The following PLEKHA3 variants were observed in gnomAD, a reference collection of about 807,000 sequenced individuals.
PLEKHA3 encodes pleckstrin homology domain containing A3, also known as pleckstrin homology domain-containing family A member 3.
A neutral mutation model predicts 39.2 loss-of-function variants in PLEKHA3; 19 were observed. The observed-to-expected ratio is 0.48, with a 90% CI of 0.34 to 0.71. The LOEUF (loss-of-function observed/expected upper bound fraction) is 0.71. Among genes scored for constraint, PLEKHA3 ranks in the 30% least tolerant of loss-of-function variants. PLEKHA3 has a pLI of 0.01. For synonymous variants in PLEKHA3, 97 were observed against 118.6 expected (o/e 0.82, Z 1.18); for missense variants, 253 against 359.5 (o/e 0.70, Z 2.40).
intron 1 of PLEKHA3, among the ~76,000 whole-genome samples, chr2:178,484,916 A>G (rs1685224540): frequency 6.6e-6 from 1 of 152,238 alleles, no homozygotes; most frequent in Non-Finnish European, 1.5e-5. Context: ...TCAATCGAAC[A>G]ATTGCAGTTT....
intron 1 of PLEKHA3, among the ~76,000 whole-genome samples, chr2:178,483,072 A>G (rs1685197131): frequency 6.6e-6 from 1 of 152,150 alleles, no homozygotes; most frequent in Non-Finnish European, 1.5e-5. Flanking sequence ...AACCTGGCCA[A>G]CATGGTGAAA....
chr2:178,493,830 A>T, intron 3 of PLEKHA3, 23 bp from the exon 4 acceptor site: 1 of 1,592,682 alleles, frequency 6.3e-7, no homozygotes, highest in Non-Finnish European at 8.6e-7. Context: ...ATCTAACTGT[A>T]TATTTATGTA....
In PLEKHA3 at chr2:178,495,680, G is replaced by T. The variant is rs779688291; in HGVS notation, c.615+20G>T. Reference sequence around the variant, plus strand: ...CAAATGGTTTGAACTTCTTGTTTTGGTTTTTTCCCTCAGTAGTAATGTTGC... The same window carrying T: ...CAAATGGTTTGAACTTCTTGTTTTGTTTTTTTCCCTCAGTAGTAATGTTGC... On this transcript the variant is annotated intron_variant, in intron 5 of 7. Coordinates refer to ENST00000234453, the MANE Select transcript of PLEKHA3 (RefSeq NM_019091.4). 144 of 1,576,310 alleles carry T rather than the reference G, an allele frequency of 9.1e-5. No individual in the cohort carries two copies. In the Admixed American group the frequency reaches 1.4e-3, roughly 16 times the overall value.
chr2:178,482,832 A>C (rs367606707), intron 1 of PLEKHA3, among the ~76,000 whole-genome samples: 1 of 152,318 alleles, frequency 6.6e-6, no homozygotes. Flanking sequence ...AGCTGGTTGA[A>C]AAGAAATCTT....
At chr2:178,481,168 A>G (rs1052074127) in intron 1 of PLEKHA3, among the ~76,000 whole-genome samples, 5 of 152,162 alleles carry the variant, frequency 3.3e-5, no homozygotes, top group African/African-American at 9.7e-5. Context: ...AGCCTCAGGA[A>G]CAATTCTCAG....
chr2:178,495,473 C>T (rs1207984434), intron 4 of PLEKHA3, 23 bp from the exon 5 acceptor site: 34 of 1,612,690 alleles, frequency 2.1e-5, no homozygotes, highest in Non-Finnish European at 2.6e-5. Context: ...CAAATCTGTT[C>T]AAGTCTTTGT....
chr2:178,502,163 G>A (rs1480388406), intron 7 of PLEKHA3, among the ~76,000 whole-genome samples: 2 of 151,058 alleles, frequency 1.3e-5, no homozygotes, highest in African/African-American at 4.9e-5. Flanking sequence ...AACAGGTTTA[G>A]TTCATACATA....
chr2:178,487,164 C>T (rs1292132626), intron 2 of PLEKHA3, among the ~76,000 whole-genome samples: 1 of 151,842 alleles, frequency 6.6e-6, no homozygotes, highest in African/African-American at 2.4e-5. Context: ...CTAAACTGAC[C>T]TAACAGGATT....
rs1038095357 is a variant in PLEKHA3 at position 178,513,894 on chromosome 2, A to G, written c.*10007A>G. 1.7e-4 allele frequency: 26 copies of G among 152,170 alleles called. No homozygotes were observed. The highest frequency in any genetic ancestry group is 6.3e-4 in the African/African-American group (26 of 41,438). The allele number at this position is 152,170 out of a possible 1,614,324, so 9.4% of individuals were successfully genotyped here. On this transcript the variant is annotated 3_prime_UTR_variant, in exon 8 of 8. Coordinates refer to ENST00000234453, the MANE Select transcript of PLEKHA3 (RefSeq NM_019091.4). ...TATATGGTAAATGAGCATAAAATGAATATCTTTTCAGTATTAGAACATTTC... is the reference window on the plus strand; with the variant it reads ...TATATGGTAAATGAGCATAAAATGAGTATCTTTTCAGTATTAGAACATTTC...
chr2:178,481,555 T>C (rs1487803405), intron 1 of PLEKHA3, among the ~76,000 whole-genome samples: 1 of 152,002 alleles, frequency 6.6e-6, no homozygotes. Context: ...GTGAAGTGGG[T>C]TGGAAGGAAA....
In PLEKHA3 at chr2:178,505,635, G is replaced by T. The variant is rs1685593100; in HGVS notation, c.*1748G>T. ...TGAAGGTCAGGGTGCTATTGATTGG[G>T]AGTTTTTTCTGGTAGTGAGTTTTTT... is the stretch of plus-strand genomic sequence containing the variant. On this transcript the variant is annotated 3_prime_UTR_variant, in exon 8 of 8. Transcript: ENST00000234453. 6.6e-6 allele frequency: 1 copy of T among 151,380 alleles called. No homozygotes were observed. Among genetic ancestry groups the T allele is most frequent in the African/African-American group, 2.4e-5 (1 of 41,242 alleles). The allele number at this position is 151,380 out of a possible 1,614,324, so 9.4% of individuals were successfully genotyped here.
In PLEKHA3 at chr2:178,515,357, A is replaced by G. The variant is rs953024737; in HGVS notation, c.*11470A>G. 2.0e-5 allele frequency: 3 copies of G among 152,106 alleles called. No homozygotes were observed. Among genetic ancestry groups the G allele is most frequent in the Admixed American group, 6.5e-5 (1 of 15,276 alleles). The allele number at this position is 152,106 out of a possible 1,614,324, so 9.4% of individuals were successfully genotyped here. A position where few individuals can be genotyped will look rare whatever the true frequency, so the allele number is the denominator to read the frequency against. ...CATGGTTGAATGTTAGTAAATTTCT[A>G]AGAGCTTTCCAATGTTGTCTATAAT... is the stretch of plus-strand genomic sequence containing the variant. On this transcript the variant is annotated 3_prime_UTR_variant, in exon 8 of 8. Transcript: ENST00000234453.
intron 5 of PLEKHA3, among the ~76,000 whole-genome samples, chr2:178,496,207 G>A (rs145762608): frequency 3.9e-5 from 6 of 152,324 alleles, no homozygotes; most frequent in African/African-American, 1.4e-4. Flanking sequence ...CCTGCTTACT[G>A]TTAGGTGCTC....
intron 2 of PLEKHA3, among the ~76,000 whole-genome samples, chr2:178,486,283 G>C (rs867543531): frequency 6.6e-6 from 1 of 152,166 alleles, no homozygotes; most frequent in Non-Finnish European, 1.5e-5. Context: ...TGTAATTTTC[G>C]TGAAGGAAGA....
chr2:178,503,927 C>T lies in PLEKHA3; in HGVS notation c.*40C>T. The T allele has an allele frequency of 6.2e-7, 1 of 1,604,218 alleles. No homozygotes were observed. The highest frequency in any genetic ancestry group is 8.5e-7 in the Non-Finnish European group (1 of 1,173,114). ...CCAACTTCCTCTAAGTATTGCTATG[C>T]AAAAGCTGCTGTAATTAAACTATTG... On this transcript the variant is annotated 3_prime_UTR_variant, in exon 8 of 8. Transcript: ENST00000234453.
intron 2 of PLEKHA3, among the ~76,000 whole-genome samples, chr2:178,489,269 T>C (rs908385061): frequency 1.3e-4 from 20 of 152,188 alleles, no homozygotes; most frequent in Non-Finnish European, 2.8e-4. Context: ...ATAAGTAGAA[T>C]AATAAGATAG....
In PLEKHA3 at chr2:178,499,243, C is replaced by A. The variant is rs183960238; in HGVS notation, c.648C>A (p.Cys216Ter). Residue 216 changes from cysteine to a stop codon, truncating the protein, a stop_gained, in exon 6 of 8, where the codon TGC becomes TGA. Transcript: ENST00000234453. LOFTEE classifies it high-confidence loss of function. ...GTTCTGTCAGCCACCCTGGTTCTTG[C>A]AGTTCAGAGAGGTAAAAGAACCTTT... ...MKRSVSHPGS[C>*]SSERSSHSIK... 1 of 1,610,502 alleles carries A rather than the reference C, an allele frequency of 6.2e-7. No individual in the cohort carries two copies. The highest frequency in any genetic ancestry group is 8.5e-7 in the Non-Finnish European group (1 of 1,178,642).
chr2:178,496,099 A>G lies in PLEKHA3; in HGVS notation c.615+439A>G, dbSNP rs570951553. ...TATTCCGGTGGGAACGGTATTCTCTACTAAGCATTTGGATCTGAACCCTCA... is the reference window on the plus strand; with the variant it reads ...TATTCCGGTGGGAACGGTATTCTCTGCTAAGCATTTGGATCTGAACCCTCA... On this transcript the variant is annotated intron_variant, in intron 5 of 7. Transcript: ENST00000234453. Among the ~76,000 whole-genome samples the G allele has an allele frequency of 3.3e-5, 5 of 152,230 alleles. No homozygotes were observed. In the South Asian group the frequency reaches 6.2e-4, roughly 19 times the overall value.
At chr2:178,491,010 C>CTTTTTTT (rs1204723389) in intron 3 of PLEKHA3, among the ~76,000 whole-genome samples, 196 bp downstream of exon 3, 4 of 129,536 alleles carry the variant, frequency 3.1e-5, no homozygotes, top group East Asian at 2.3e-4. Context: ...CTCTTTCTTT[C>CTTTTTTT]TTTTTTTTTT....
Sources: allele counts gnomAD v4.1 joint callset (sites outside exome capture counted in the v4.1 genomes callset), GRCh38; gene constraint gnomAD v4.1.1; transcripts MANE v1.5; gene names NCBI Gene and HGNC (gene_info 2026-07-23, HGNC 2026-07-21).